RGS5: variants seen among roughly 807,000 people sequenced by gnomAD.
RGS5 encodes the protein regulator of G protein signaling 5.
Under a neutral mutation model 18.9 loss-of-function variants are expected in RGS5, and 20 were observed. The observed-to-expected ratio is 1.06, with a 90% CI of 0.74 to 1.54. The LOEUF (loss-of-function observed/expected upper bound fraction) is 1.54, where lower values mean the gene tolerates loss of function less well. RGS5 is among the 40% of genes most tolerant of loss of function. RGS5 has a pLI of 0.00. For missense variants in RGS5, 201 were observed against 211.8 expected (o/e 0.95, Z 0.32); for synonymous variants, 57 against 76.2 (o/e 0.75, Z 1.31).
At chr1:163,180,686 G>GTTTTTTTTTGTTT (rs1658783302) in intron 1 of RGS5, among the ~76,000 whole-genome samples, 1 of 61,964 alleles carries the variant, frequency 1.6e-5, no homozygotes, top group Non-Finnish European at 3.0e-5. Context: ...CCCTTACCCT[G>GTTTTTTTTTGTTT]TTTTTTTTTT....
At chr1:163,303,490 C>A (rs1345158490) in intron 2 of RGS5, among the ~76,000 whole-genome samples, 2 of 152,126 alleles carry the variant, frequency 1.3e-5, no homozygotes, top group East Asian at 3.8e-4. Context: ...CAATTACACA[C>A]CTCTTTAAAA....
chr1:163,181,595 A>G (rs1431302869), intron 1 of RGS5, among the ~76,000 whole-genome samples: 1 of 152,124 alleles, frequency 6.6e-6, no homozygotes, highest in Admixed American at 6.5e-5. Context: ...CTTCTTCTCA[A>G]GTTATGGATA....
intron 2 of RGS5, among the ~76,000 whole-genome samples, chr1:163,225,595 C>A (rs989289987): frequency 1.3e-5 from 2 of 152,096 alleles, no homozygotes; most frequent in Admixed American, 1.3e-4. Context: ...CTACCCACCC[C>A]ACACACACTC....
chr1:163,255,261 T>G (rs1350583395), intron 2 of RGS5, among the ~76,000 whole-genome samples: 2 of 152,178 alleles, frequency 1.3e-5, no homozygotes, highest in Admixed American at 1.3e-4. Flanking sequence ...TTCATGATAT[T>G]GATTCTTTCT....
chr1:163,204,567 C>G (rs1659898082), upstream of RGS5, among the ~76,000 whole-genome samples: 1 of 152,130 alleles, frequency 6.6e-6, no homozygotes. Flanking sequence ...CCAGGCTGGT[C>G]TTGAACTCTT....
At chr1:163,182,381 A>T (rs1329582835) in intron 1 of RGS5, among the ~76,000 whole-genome samples, 1 of 151,802 alleles carries the variant, frequency 6.6e-6, no homozygotes, top group Non-Finnish European at 1.5e-5. Flanking sequence ...TTGTATTATC[A>T]CCTCCCTGGT....
rs571453184 is a variant in RGS5, at chr1:163,263,178, A to G, written c.-281+43055T>C. ...ACAAAAGATCTTCTGTAATTTCTGC[A>G]ATTTCAATTTTCTCCTGGCTTGCCA... is the stretch of plus-strand genomic sequence containing the variant. On this transcript the variant is annotated intron_variant, in intron 2 of 5. Coordinates refer to the RGS5 transcript ENST00000618415. Among the ~76,000 whole-genome samples, 111 of 152,294 alleles carry G rather than the reference A, an allele frequency of 7.3e-4. 2 individuals carry two copies. In the South Asian group the frequency reaches 0.023, roughly 31 times the overall value.
chr1:163,317,504 G>A (rs986868593), intron 1 of RGS5, among the ~76,000 whole-genome samples: 1 of 152,094 alleles, frequency 6.6e-6, no homozygotes, highest in Non-Finnish European at 1.5e-5. Flanking sequence ...TCTTTCCCTG[G>A]ATTACTACAA....
At chr1:163,264,894 A>C (rs1648538611) in intron 2 of RGS5, among the ~76,000 whole-genome samples, 1 of 151,984 alleles carries the variant, frequency 6.6e-6, no homozygotes, top group Non-Finnish European at 1.5e-5. Flanking sequence ...TCTCACTAGC[A>C]CTTCAAAATC....
intron 2 of RGS5, among the ~76,000 whole-genome samples, chr1:163,274,317 G>A: frequency 7.7e-6 from 1 of 129,598 alleles, no homozygotes; most frequent in East Asian, 1.9e-4. Context: ...GGGAGCTGGA[G>A]ATTGAATCTA....
At chr1:163,232,486 A>G (rs917228860) in intron 2 of RGS5, among the ~76,000 whole-genome samples, 3 of 152,188 alleles carry the variant, frequency 2.0e-5, no homozygotes, top group African/African-American at 7.2e-5. Context: ...GTTTGCATAT[A>G]TATTACTGTA....
At chr1:163,152,816 T>C (rs946324916) in intron 3 of RGS5, 100 bp from the exon 4 acceptor site, 3 of 1,116,270 alleles carry the variant, frequency 2.7e-6, no homozygotes, top group South Asian at 3.7e-5. Flanking sequence ...TACTCTTCTA[T>C]GCACAAAGTT....
intron 4 of RGS5, among the ~76,000 whole-genome samples, chr1:163,151,862 A>C (rs763471633): frequency 1.1e-4 from 17 of 152,210 alleles, no homozygotes; most frequent in Non-Finnish European, 2.2e-4. Flanking sequence ...GAAATGTTTC[A>C]GATCTTGAAT....
intron 2 of RGS5, among the ~76,000 whole-genome samples, chr1:163,247,615 A>G: frequency 6.6e-6 from 1 of 151,118 alleles, no homozygotes. Flanking sequence ...TACGTATGAC[A>G]TATATAGGAT....
At chr1:163,301,101 A>G (rs960915402) in intron 2 of RGS5, among the ~76,000 whole-genome samples, 2 of 152,198 alleles carry the variant, frequency 1.3e-5, no homozygotes, top group African/African-American at 2.4e-5. Flanking sequence ...TGAAAGAAAA[A>G]TGCCAAAATA....
chr1:163,248,932 A>G (rs1287506943), intron 2 of RGS5, among the ~76,000 whole-genome samples: 1 of 152,178 alleles, frequency 6.6e-6, no homozygotes, highest in Non-Finnish European at 1.5e-5. Context: ...AGCCCACCTC[A>G]ACCAAGTGGG....
At position 163,152,554 on chromosome 1, in the gene RGS5, T is replaced by C; in HGVS notation, c.380A>G (p.Lys127Arg). The C allele has an allele frequency of 6.2e-6, 10 of 1,611,942 alleles. No individual in the cohort carries two copies. Among genetic ancestry groups the C allele is most frequent in the Non-Finnish European group, 8.5e-6 (10 of 1,178,836 alleles). ...CCCACCTACCCAGAGACCAACCTCT[T>C]TAGGAGCCTCCGTTTGAATGAATTC... Reference protein sequence around the residue: ...YEEFIQTEAPKEVNIDHFTKD... With the variant: ...YEEFIQTEAPREVNIDHFTKD... Residue 127 changes from lysine to arginine, a missense_variant, in exon 4 of 5, where the codon AAA becomes AGA. Transcript: ENST00000313961.
intron 1 of RGS5, among the ~76,000 whole-genome samples, chr1:163,177,081 C>G (rs527376592): frequency 6.6e-6 from 1 of 152,182 alleles, no homozygotes; most frequent in Admixed American, 6.5e-5. Flanking sequence ...AGTGTTTACA[C>G]GTAGGCTTGT....
intron 1 of RGS5, among the ~76,000 whole-genome samples, chr1:163,169,580 C>T (rs1012783535): frequency 1.3e-5 from 2 of 152,066 alleles, no homozygotes; most frequent in Non-Finnish European, 2.9e-5. Context: ...TGGTATCTCA[C>T]TGTGGTTTTG....
Sources: gnomAD v4.1 joint callset for allele counts (sites outside exome capture counted in the v4.1 genomes callset) on GRCh38, gnomAD v4.1.1 for gene constraint, MANE v1.5 for transcripts, NCBI Gene and HGNC (gene_info 2026-07-23, HGNC 2026-07-21) for gene names.